The following SBNO2 variants were observed in gnomAD, a reference collection of about 807,000 sequenced individuals.
SBNO2 encodes protein strawberry notch homolog 2.
Under a neutral mutation model 146.3 loss-of-function variants are expected in SBNO2, and 89 were observed. That is an observed-to-expected ratio of 0.61 (90% confidence interval 0.51 to 0.73). The LOEUF (loss-of-function observed/expected upper bound fraction) is 0.73. Among genes scored for constraint, SBNO2 ranks in the 30% least tolerant of loss-of-function variants. The probability of loss-of-function intolerance (pLI) is 0.00; values close to 1 mark genes in which losing one functional copy is unlikely to be tolerated. For synonymous variants in SBNO2, 1,147 were observed against 892.6 expected, an observed-to-expected ratio of 1.29 and a Z score of -5.08; for missense variants, 2,092 against 2,003.7, an observed-to-expected ratio of 1.04 and a Z score of -0.84.
In SBNO2 at chr19:1,108,984, G is replaced by A. The variant is rs975481720; in HGVS notation, c.3426-15C>T. 3.3e-6 allele frequency: 5 copies of A among 1,505,286 alleles called. No individual in the cohort carries two copies. The highest frequency in any genetic ancestry group is 2.5e-5 in the South Asian group (2 of 79,270). The allele number at this position is 1,505,286 out of a possible 1,614,324, so 93.2% of individuals were successfully genotyped here. On this transcript the variant is annotated splice_polypyrimidine_tract_variant and intron_variant, in intron 30 of 31. Transcript: ENST00000361757. ...AGTGCCGGTTCCTGCGGACGAGACG[G>A]GTCGTCTCGGCTCAGGCGGGTCCCA...
rs78559906 is a variant in SBNO2, at chr19:1,140,773, G to C, written c.279+6536C>G. 3.1e-3 allele frequency among the ~76,000 whole-genome samples: 466 copies of C among 151,768 alleles called. 5 individuals carry two copies. Among genetic ancestry groups the C allele is most frequent in the African/African-American group, 0.01 (429 of 41,370 alleles). On this transcript the variant is annotated intron_variant, in intron 4 of 31. Coordinates refer to ENST00000361757, the MANE Select transcript of SBNO2 (RefSeq NM_014963.3). This position sits in a 1 kb window ranked among gnomAD's most constrained non-coding sequence, Gnocchi z 4.4. ...GCTGACCCCGCCTTGGGCAGGACCA[G>C]CCTCTGCTCAGCCTTGGGTCTTCCC... is the stretch of plus-strand genomic sequence containing the variant.
In SBNO2 at chr19:1,157,395, G is replaced by GCTCTCCCCACGCGGCCCCGGAGACC. The variant is rs548855716; in HGVS notation, c.-126-3018_-126-2994dup. 2.0e-5 allele frequency among the ~76,000 whole-genome samples: 3 copies of GCTCTCCCCACGCGGCCCCGGAGACC among 149,794 alleles called. No homozygotes were observed. The highest frequency in any genetic ancestry group is 4.3e-4 in the South Asian group (2 of 4,662). On this transcript the variant is annotated intron_variant, in intron 1 of 31. Transcript: ENST00000361757. This position sits in a 1 kb window ranked among gnomAD's most constrained non-coding sequence, Gnocchi z 6.8. ...CCCTCTGCCACGCAGCCCCGGAGACGCTCTCCCCACGCGGCCCCGGAGACC... is the reference window on the plus strand; with the variant it reads ...CCCTCTGCCACGCAGCCCCGGAGACGCTCTCCCCACGCGGCCCCGGAGACCCTCTCCCCACGCGGCCCCGGAGACC...
chr19:1,118,981 G>C, intron 14 of SBNO2, 30 bp downstream of exon 14: 1 of 1,560,494 alleles, frequency 6.4e-7, no homozygotes, highest in South Asian at 1.1e-5. Context: ...GAAACGCACA[G>C]GGGTCCCCGG....
chr19:1,119,400 C>T (rs2079872144), intron 13 of SBNO2, 116 bp downstream of exon 13: 1 of 931,800 alleles, frequency 1.1e-6, no homozygotes, highest in South Asian at 1.6e-5. Context: ...GACCCACATT[C>T]AGCACCTCTG....
In SBNO2 at chr19:1,108,381, C is replaced by T; in HGVS notation, c.3940G>A (p.Glu1314Lys). 1 of 1,289,018 alleles carries T rather than the reference C, an allele frequency of 7.8e-7. No homozygotes were observed. The highest frequency in any genetic ancestry group is 9.9e-7 in the Non-Finnish European group (1 of 1,012,070). 79.8% of individuals were successfully genotyped at this position (1,289,018 alleles called of 1,614,324 possible). A position where few individuals can be genotyped will look rare whatever the true frequency, so the allele number is the denominator to read the frequency against. The change falls in exon 32 of 32, where the codon GAG becomes AAG. Residue 1314 changes from glutamate (E) to lysine (K), a missense_variant. Physicochemically the swap from Glu to Lys is moderately conservative, Grantham distance 56 (BLOSUM62 1). Coordinates refer to ENST00000361757, the MANE Select transcript of SBNO2 (RefSeq NM_014963.3). ...AHQGCDINFK[E>K]VLEDMLRSLH... ...GAGCGCAGCATGTCCTCCAGCACCT[C>T]CTTGAAGTTGATGTCGCAGCCCTGG...
chr19:1,149,553 C>T, intron 2 of SBNO2, 111 bp from the exon 3 acceptor site: 1 of 988,196 alleles, frequency 1.0e-6, no homozygotes, highest in Non-Finnish European at 1.5e-6. Flanking sequence ...GCCCCGCAGT[C>T]AGGGTCCCAT....
intron 4 of SBNO2, among the ~76,000 whole-genome samples, chr19:1,130,363 G>A (rs540504260): frequency 3.2e-4 from 48 of 152,270 alleles, no homozygotes; most frequent in African/African-American, 1.0e-3. Flanking sequence ...GTCGGGCAGG[G>A]GGGAGCTCAC....
At chr19:1,141,614 C>T (rs1038797220) in intron 4 of SBNO2, among the ~76,000 whole-genome samples, 6 of 151,972 alleles carry the variant, frequency 3.9e-5, no homozygotes, top group African/African-American at 7.3e-5. Flanking sequence ...GGCCCCTCCA[C>T]GCGTCCATCA....
intron 13 of SBNO2, 96 bp downstream of exon 13, chr19:1,119,420 G>A: frequency 2.9e-6 from 3 of 1,022,098 alleles, no homozygotes; most frequent in Non-Finnish European, 2.9e-6. Flanking sequence ...GGGTGCTGGG[G>A]AAGCACACGT....
chr19:1,143,451 AAC>A (rs1396335367), intron 4 of SBNO2, among the ~76,000 whole-genome samples: 1 of 152,180 alleles, frequency 6.6e-6, no homozygotes, highest in African/African-American at 2.4e-5. Flanking sequence ...CAGGCTGAAC[AAC>A]AGAGCCAGAC....
chr19:1,152,994 A>G (rs2080256458), intron 2 of SBNO2, among the ~76,000 whole-genome samples: 1 of 151,862 alleles, frequency 6.6e-6, no homozygotes. Context: ...CTCTACGAGA[A>G]AATTTTAAAA....
chr19:1,165,394 C>T (rs1271396941), intron 1 of SBNO2, among the ~76,000 whole-genome samples: 1 of 152,144 alleles, frequency 6.6e-6, no homozygotes, highest in Non-Finnish European at 1.5e-5. Context: ...AGCAGGGTGC[C>T]GGGCACCCCC....
intron 11 of SBNO2, among the ~76,000 whole-genome samples, chr19:1,120,283 G>A (rs2079885260): frequency 6.6e-6 from 1 of 152,240 alleles, no homozygotes; most frequent in Non-Finnish European, 1.5e-5. Context: ...CGAGGATGGG[G>A]CCTCCGGCGA....
At chr19:1,129,422 G>A (rs374085713) in intron 4 of SBNO2, among the ~76,000 whole-genome samples, 11 of 152,192 alleles carry the variant, frequency 7.2e-5, no homozygotes, top group East Asian at 3.9e-4. Flanking sequence ...GGACCTTCAG[G>A]AACCTGCCCC....
At chr19:1,117,299 C>A (rs1258258368) in intron 15 of SBNO2, 24 bp downstream of exon 15, 1 of 1,546,418 alleles carries the variant, frequency 6.5e-7, no homozygotes, top group South Asian at 1.2e-5. Flanking sequence ...CCGCCCTCAG[C>A]CCTCGAAGGC....
chr19:1,149,733 C>T (rs1485105015), intron 2 of SBNO2, among the ~76,000 whole-genome samples: 2 of 152,206 alleles, frequency 1.3e-5, no homozygotes, highest in African/African-American at 2.4e-5. Flanking sequence ...TGTGCAGGCC[C>T]GCAGCCCGGG....
At chr19:1,147,236 C>T (rs544089271) in intron 4 of SBNO2, 73 bp downstream of exon 4, 25 of 1,034,332 alleles carry the variant, frequency 2.4e-5, no homozygotes, top group African/African-American at 1.2e-4. Context: ...CGAGAGAGGT[C>T]GCAGGGCAGC....
At chr19:1,122,440 C>T (rs1343563490) in intron 10 of SBNO2, 28 bp downstream of exon 10, 1 of 1,556,406 alleles carries the variant, frequency 6.4e-7, no homozygotes. Context: ...CCCACCTTGC[C>T]CCCTACTTTG....
chr19:1,125,573 G>A (rs2079955916), intron 5 of SBNO2, among the ~76,000 whole-genome samples: 1 of 151,834 alleles, frequency 6.6e-6, no homozygotes, highest in African/African-American at 2.4e-5. Context: ...GGGAGGCTGA[G>A]GAGGCAGGAG....
Sources: gnomAD v4.1 joint callset for allele counts (sites outside exome capture counted in the v4.1 genomes callset) on GRCh38, gnomAD v4.1.1 for gene constraint, Gnocchi (gnomAD v3.1) non-coding constraint, MANE v1.5 for transcripts, NCBI Gene and HGNC (gene_info 2026-07-23, HGNC 2026-07-21) for gene names.